Variants in TAF12 observed in about 807,000 individuals in gnomAD.
TAF12 encodes TATA-box binding protein associated factor 12.
In TAF12, 3 loss-of-function variants were observed where a neutral mutation model predicts 20.8. That is an observed-to-expected ratio of 0.14 (90% CI 0.07 to 0.37). The LOEUF is 0.37. Among genes scored for constraint, TAF12 ranks in the 10% least tolerant of loss-of-function variants. The pLI, the probability that TAF12 is intolerant of heterozygous loss-of-function variation, is 1.00. For missense variants in TAF12, 131 were observed against 197.9 expected (o/e 0.66, Z 2.03); for synonymous variants, 69 against 70.2 (o/e 0.98, Z 0.09).
At chr1:28,634,812 C>T (rs1667761215) in intron 1 of TAF12, among the ~76,000 whole-genome samples, 1 of 151,898 alleles carries the variant, frequency 6.6e-6, no homozygotes, top group African/African-American at 2.4e-5. Context: ...TCCTGTAATC[C>T]CAGCTACTCG....
chr1:28,644,785 T>C (rs538655304), upstream of TAF12, among the ~76,000 whole-genome samples: 12 of 152,270 alleles, frequency 7.9e-5, no homozygotes, highest in South Asian at 2.5e-3. Context: ...GACAATGAGT[T>C]TGGAGAGGTA....
intron 1 of TAF12, among the ~76,000 whole-genome samples, chr1:28,641,855 G>A (rs1668047019): frequency 6.7e-6 from 1 of 149,856 alleles, no homozygotes; most frequent in African/African-American, 2.5e-5. Context: ...GATTCTAGAA[G>A]CATTTAAGGA....
At chr1:28,641,840 G>A (rs1199459968) in intron 1 of TAF12, among the ~76,000 whole-genome samples, 3 of 146,804 alleles carry the variant, frequency 2.0e-5, no homozygotes, top group Non-Finnish European at 4.5e-5. Flanking sequence ...TGAAGATAAA[G>A]CAAAGATTCT....
chr1:28,635,276 C>CTTTT (rs1179724707), intron 1 of TAF12, among the ~76,000 whole-genome samples: 7 of 100,636 alleles, frequency 7.0e-5, no homozygotes, highest in African/African-American at 1.1e-4. Flanking sequence ...ATCCTCCCTC[C>CTTTT]TTTTTTTTTT....
intron 5 of TAF12, among the ~76,000 whole-genome samples, chr1:28,604,491 G>A (rs1029577372): frequency 3.3e-5 from 5 of 152,142 alleles, no homozygotes; most frequent in African/African-American, 1.2e-4. Context: ...CCAATATTAT[G>A]GCATTTGTCG....
At chr1:28,607,177 A>G (rs1377005034) in intron 4 of TAF12, among the ~76,000 whole-genome samples, 1 of 152,224 alleles carries the variant, frequency 6.6e-6, no homozygotes, top group Non-Finnish European at 1.5e-5. Flanking sequence ...ACCTGGCCCA[A>G]TATTTCTTTG....
intron 5 of TAF12, 161 bp downstream of exon 5, chr1:28,605,211 G>C: frequency 1.5e-6 from 1 of 649,590 alleles, no homozygotes; most frequent in East Asian, 2.7e-5. Flanking sequence ...ATCTCCCGGA[G>C]ACCGCTGCTG....
chr1:28,628,752 G>C (rs1453554453), intron 1 of TAF12, among the ~76,000 whole-genome samples: 1 of 152,158 alleles, frequency 6.6e-6, no homozygotes, highest in Non-Finnish European at 1.5e-5. Flanking sequence ...AACATAGAAT[G>C]GGAGAATATT....
chr1:28,620,724 T>G (rs557038194), intron 2 of TAF12, among the ~76,000 whole-genome samples: 2 of 152,224 alleles, frequency 1.3e-5, no homozygotes, highest in East Asian at 3.9e-4. Context: ...TGAGCCACCA[T>G]GCCCGGCCGA....
intron 1 of TAF12, among the ~76,000 whole-genome samples, chr1:28,627,391 G>GAAAA (rs771889346): frequency 4.7e-5 from 3 of 63,646 alleles, no homozygotes; most frequent in South Asian, 5.0e-4. Flanking sequence ...CCGTCTCAAA[G>GAAAA]AAAAAAAAAA....
intron 1 of TAF12, among the ~76,000 whole-genome samples, chr1:28,626,435 G>A (rs1414788018): frequency 6.6e-6 from 1 of 151,398 alleles, no homozygotes; most frequent in Non-Finnish European, 1.5e-5. Flanking sequence ...CAAAAAATTA[G>A]CCAGACTTGG....
At chr1:28,637,597 G>C (rs888742634) in intron 1 of TAF12, among the ~76,000 whole-genome samples, 1 of 151,142 alleles carries the variant, frequency 6.6e-6, no homozygotes, top group African/African-American at 2.4e-5. Context: ...CCCGTGAGGC[G>C]GAGGTTGCAG....
At chr1:28,625,061 T>C (rs947165394) in intron 1 of TAF12, among the ~76,000 whole-genome samples, 2 of 152,362 alleles carry the variant, frequency 1.3e-5, no homozygotes, top group Middle Eastern at 3.4e-3. Flanking sequence ...GCAAGTTCTA[T>C]GCAAAAGCCT....
intron 3 of TAF12, among the ~76,000 whole-genome samples, chr1:28,617,177 T>G (rs1473203454): frequency 6.6e-6 from 1 of 152,152 alleles, no homozygotes; most frequent in East Asian, 1.9e-4. Flanking sequence ...TTAAGTATAT[T>G]ACTTAGAAAT....
At chr1:28,606,064 T>A (rs1293307181) in intron 4 of TAF12, among the ~76,000 whole-genome samples, 1 of 151,962 alleles carries the variant, frequency 6.6e-6, no homozygotes, top group African/African-American at 2.4e-5. Flanking sequence ...AGTGGTGCGA[T>A]CTCGGCTCAC....
At chr1:28,629,602 C>G (rs1374966533) in intron 1 of TAF12, among the ~76,000 whole-genome samples, 1 of 152,116 alleles carries the variant, frequency 6.6e-6, no homozygotes, top group Admixed American at 6.6e-5. Context: ...TCCCATAGTG[C>G]TGGGATTACA....
At chr1:28,635,794 G>A (rs1667803534) in intron 1 of TAF12, among the ~76,000 whole-genome samples, 1 of 151,254 alleles carries the variant, frequency 6.6e-6, no homozygotes, top group Non-Finnish European at 1.5e-5. Flanking sequence ...GGTATTCTCT[G>A]TGCATCTATT....
intron 1 of TAF12, among the ~76,000 whole-genome samples, chr1:28,626,823 T>A (rs1039695140): frequency 1.3e-5 from 2 of 151,776 alleles, no homozygotes; most frequent in Admixed American, 6.6e-5. Context: ...GGCAGGAGAA[T>A]CACTTGAACC....
chr1:28,641,659 T>G (rs894585362), intron 1 of TAF12, among the ~76,000 whole-genome samples: 1 of 151,890 alleles, frequency 6.6e-6, no homozygotes, highest in African/African-American at 2.4e-5. Context: ...CAGGGCGTGG[T>G]GGCACACGCC....
Sources: gnomAD v4.1 joint callset for allele counts (sites outside exome capture counted in the v4.1 genomes callset) on GRCh38, gnomAD v4.1.1 for gene constraint, MANE v1.5 for transcripts, NCBI Gene and HGNC (gene_info 2026-07-23, HGNC 2026-07-21) for gene names.